Variants in ANK3 observed in about 807,000 individuals in gnomAD.
ANK3 encodes ankyrin-3.
Under a neutral mutation model 370.9 loss-of-function variants are expected in ANK3, and 57 were observed. The ratio of observed to expected loss-of-function variants is 0.15; its 90% CI spans 0.12 to 0.19. ANK3 has a LOEUF of 0.19. Ranked by LOEUF, ANK3 falls within the 10% of genes least tolerant of loss-of-function variation. The pLI is 1.00. For synonymous variants in ANK3, 1,929 were observed against 1,946.3 expected (o/e 0.99, Z 0.23); for missense variants, 4,439 against 5,302.1 (o/e 0.84, Z 5.06).
chr10:60,237,170 G>C (rs1348914163), intron 7 of ANK3, among the ~76,000 whole-genome samples: 1 of 152,218 alleles, frequency 6.6e-6, no homozygotes, highest in Non-Finnish European at 1.5e-5. Context: ...TTGAGTGAAA[G>C]CTGGCAGAAG....
chr10:60,691,121 T>A (rs2079345950), intron 1 of ANK3, among the ~76,000 whole-genome samples: 1 of 152,124 alleles, frequency 6.6e-6, no homozygotes, highest in Admixed American at 6.5e-5. Context: ...ATCTGTTAGG[T>A]CAAAGTCAGC....
At chr10:60,701,743 T>C (rs1006825989) in intron 1 of ANK3, among the ~76,000 whole-genome samples, 2 of 152,172 alleles carry the variant, frequency 1.3e-5, no homozygotes, top group African/African-American at 4.8e-5. Flanking sequence ...GTACTTTCTC[T>C]AATTAATCTG....
intron 1 of ANK3, among the ~76,000 whole-genome samples, chr10:60,722,782 T>G (rs1346266090): frequency 1.3e-5 from 2 of 152,140 alleles, no homozygotes; most frequent in South Asian, 4.1e-4. Flanking sequence ...TCTGGTTGTT[T>G]AAAAGAGTTT....
rs1473236624 is a variant in ANK3 at position 60,667,281 on chromosome 10, A to C, written c.58-52057T>G. Among the ~76,000 whole-genome samples, 6 of 150,374 alleles carry C rather than the reference A, an allele frequency of 4.0e-5. 1 individual carries two copies. The highest frequency in any genetic ancestry group is 4.0e-4 in the Admixed American group (6 of 15,096). On this transcript the variant is annotated intron_variant, in intron 1 of 43. Transcript: ENST00000373827. ...CCATTCCAGAGATAAGCCAGGTTTT[A>C]GAGATATAAAAGAATCCCCCATTTC...
At chr10:60,321,889 G>A (rs926608186) in intron 1 of ANK3, among the ~76,000 whole-genome samples, 3 of 152,100 alleles carry the variant, frequency 2.0e-5, no homozygotes, top group Non-Finnish European at 4.4e-5. Context: ...ATACCCACAT[G>A]AATAGATAAG....
chr10:60,288,018 A>G (rs1015562552), intron 1 of ANK3, among the ~76,000 whole-genome samples: 3 of 152,210 alleles, frequency 2.0e-5, no homozygotes, highest in Admixed American at 6.5e-5. Context: ...TCCCAAACAC[A>G]TACTTCCAGC....
chr10:60,478,291 C>T (rs1026591304), intron 2 of ANK3, among the ~76,000 whole-genome samples: 3 of 152,038 alleles, frequency 2.0e-5, no homozygotes, highest in East Asian at 3.8e-4. Flanking sequence ...TGCCATTTCT[C>T]ATACTTCCTG....
intron 2 of ANK3, among the ~76,000 whole-genome samples, chr10:60,556,518 C>T (rs930945951): frequency 2.6e-5 from 4 of 152,198 alleles, no homozygotes; most frequent in Non-Finnish European, 5.9e-5. Flanking sequence ...TGACTAAAAA[C>T]TCATGCAGGT....
At chr10:60,152,329 C>T (rs2095168110) in intron 23 of ANK3, among the ~76,000 whole-genome samples, 1 of 152,190 alleles carries the variant, frequency 6.6e-6, no homozygotes, top group Non-Finnish European at 1.5e-5. Context: ...GGTATTATCT[C>T]TGGTGGCTTT....
chr10:60,163,496 C>G (rs373403872), intron 23 of ANK3, among the ~76,000 whole-genome samples: 1 of 152,126 alleles, frequency 6.6e-6, no homozygotes, highest in East Asian at 1.9e-4. Flanking sequence ...ATAACATTGT[C>G]TAGTCTTGTA....
In ANK3 at chr10:60,571,319, G is replaced by A. The variant is rs147286118; in HGVS notation, c.96+43867C>T. On this transcript the variant is annotated intron_variant, in intron 2 of 43. Transcript: ENST00000373827. ...CCTCAGAACAGTCTGCTGGTAGTAG[G>A]TCCCTTAAGAACATCATATTCAAAT... Among the ~76,000 whole-genome samples, 53 of 152,250 alleles carry A rather than the reference G, an allele frequency of 3.5e-4. No individual in the cohort carries two copies. The East Asian group carries it at 9.4e-3, about 27-fold the overall frequency.
chr10:60,327,085 G>A (rs143710228), intron 1 of ANK3, among the ~76,000 whole-genome samples: 2 of 152,054 alleles, frequency 1.3e-5, no homozygotes, highest in African/African-American at 4.8e-5. Flanking sequence ...TATTTTTATC[G>A]GAGCATGCAG....
chr10:60,034,129 C>T, intron 43 of ANK3, among the ~76,000 whole-genome samples: 1 of 108,154 alleles, frequency 9.2e-6, no homozygotes, highest in African/African-American at 3.7e-5. Flanking sequence ...TTTTTTGAGA[C>T]AGAGTCTTGC....
intron 2 of ANK3, among the ~76,000 whole-genome samples, chr10:60,478,601 T>C (rs930084108): frequency 6.6e-5 from 10 of 152,124 alleles, no homozygotes; most frequent in African/African-American, 2.4e-4. Flanking sequence ...GATATAAATT[T>C]CTGATAATTT....
intron 1 of ANK3, among the ~76,000 whole-genome samples, chr10:60,355,009 G>C (rs910213172): frequency 6.6e-6 from 1 of 151,912 alleles, no homozygotes; most frequent in Admixed American, 6.5e-5. Context: ...TTAATCTAAG[G>C]ACAGCTTACA....
intron 5 of ANK3, among the ~76,000 whole-genome samples, chr10:60,264,936 CA>C (rs1333163517): frequency 6.6e-6 from 1 of 152,034 alleles, no homozygotes; most frequent in Non-Finnish European, 1.5e-5. Context: ...TCATGCAAAA[CA>C]TGACTCTATA....
intron 7 of ANK3, among the ~76,000 whole-genome samples, chr10:60,256,686 A>C (rs1473455353): frequency 2.0e-5 from 3 of 152,156 alleles, no homozygotes; most frequent in African/African-American, 7.2e-5. Context: ...TGAGTACCCC[A>C]CATTTAGCTC....
At chr10:60,236,483 T>A (rs1374771355) in intron 7 of ANK3, among the ~76,000 whole-genome samples, 1 of 152,182 alleles carries the variant, frequency 6.6e-6, no homozygotes, top group South Asian at 2.1e-4. Context: ...GTTCATTTAT[T>A]TATTGAAGAA....
Position 60,666,826 on chromosome 10 carries a change from T to C in ANK3, c.58-51602A>G, listed in dbSNP as rs372328015. ...GGTGCCTAAAACTGCACATACCCCATGGCAAATCTTATTCAAGATGATAAC... is the reference window on the plus strand; with the variant it reads ...GGTGCCTAAAACTGCACATACCCCACGGCAAATCTTATTCAAGATGATAAC... On this transcript the variant is annotated intron_variant, in intron 1 of 43. Coordinates refer to the ANK3 transcript ENST00000373827. Among the ~76,000 whole-genome samples, 10 of 152,296 alleles carry C rather than the reference T, an allele frequency of 6.6e-5. No individual in the cohort carries two copies. In the South Asian group the frequency reaches 2.1e-3, roughly 32 times the overall value.
Sources: allele counts gnomAD v4.1 joint callset (sites outside exome capture counted in the v4.1 genomes callset), GRCh38; gene constraint gnomAD v4.1.1; transcripts MANE v1.5; gene names NCBI Gene and HGNC (gene_info 2026-07-23, HGNC 2026-07-21).